Variants in ITGA9 observed in about 807,000 individuals in gnomAD.
The protein encoded by ITGA9 is integrin alpha-9.
A neutral mutation model predicts 127.8 loss-of-function variants in ITGA9; 56 were observed. That is an observed-to-expected ratio of 0.44 (90% CI 0.35 to 0.55). The LOEUF (loss-of-function observed/expected upper bound fraction) is 0.55. Among genes scored for constraint, ITGA9 ranks in the 20% least tolerant of loss-of-function variants. ITGA9 has a pLI of 0.00. For synonymous variants in ITGA9, 508 were observed against 514.5 expected, an observed-to-expected ratio of 0.99 and a Z score of 0.17; for missense variants, 1,196 against 1,347.1, an observed-to-expected ratio of 0.89 and a Z score of 1.76.
intron 17 of ITGA9, among the ~76,000 whole-genome samples, chr3:37,681,566 C>A (rs371228831): frequency 2.6e-5 from 4 of 152,188 alleles, no homozygotes; most frequent in African/African-American, 4.8e-5. Flanking sequence ...CCCCAAAACA[C>A]GAGGATGTCA....
chr3:37,494,311 C>G (rs1041116912), intron 4 of ITGA9, among the ~76,000 whole-genome samples, 190 bp from the exon 5 acceptor site: 4 of 152,190 alleles, frequency 2.6e-5, no homozygotes, highest in Non-Finnish European at 5.9e-5. Flanking sequence ...CCGATGGCAC[C>G]AGAGCCTGGA....
intron 3 of ITGA9, among the ~76,000 whole-genome samples, chr3:37,475,538 A>G (rs197763): frequency 0.66 from 100,836 of 152,112 alleles, 33,665 homozygotes; most frequent in African/African-American, 0.75. Flanking sequence ...AGGCAGCACT[A>G]GAGCATTTGT....
intron 13 of ITGA9, among the ~76,000 whole-genome samples, chr3:37,531,599 C>T (rs924787010): frequency 5.3e-5 from 8 of 152,062 alleles, no homozygotes; most frequent in Admixed American, 1.3e-4. Flanking sequence ...ATGGGGCGGG[C>T]TAGGCTTTTC....
chr3:37,490,971 C>CA (rs1579061023), intron 4 of ITGA9, among the ~76,000 whole-genome samples: 1 of 136,392 alleles, frequency 7.3e-6, no homozygotes, highest in Non-Finnish European at 1.6e-5. Context: ...TGGCTTCCCC[C>CA]CCGCTTTTTT....
At chr3:37,491,070 A>G (rs1246363945) in intron 4 of ITGA9, among the ~76,000 whole-genome samples, 1 of 142,984 alleles carries the variant, frequency 7.0e-6, no homozygotes, top group Non-Finnish European at 1.5e-5. Flanking sequence ...TCTGCCTCCC[A>G]GACTCAAGCC....
At chr3:37,669,101 T>G (rs147186413) in intron 17 of ITGA9, among the ~76,000 whole-genome samples, 5 of 152,364 alleles carry the variant, frequency 3.3e-5, no homozygotes, top group Non-Finnish European at 7.3e-5. Context: ...ATGAGCTTGC[T>G]TCCCTGACTC....
At chr3:37,692,848 A>G (rs1432707361) in intron 18 of ITGA9, among the ~76,000 whole-genome samples, 2 of 152,282 alleles carry the variant, frequency 1.3e-5, no homozygotes, top group East Asian at 3.9e-4. Context: ...TCTGGCCCAA[A>G]GGGCTGGAGG....
chr3:37,753,376 C>G (rs965747645), intron 23 of ITGA9, among the ~76,000 whole-genome samples: 10 of 152,172 alleles, frequency 6.6e-5, no homozygotes, highest in African/African-American at 2.4e-5. Flanking sequence ...ATAATGGAGG[C>G]ATGCCCAGAC....
chr3:37,483,431 T>TC (rs1375582157), intron 4 of ITGA9, among the ~76,000 whole-genome samples: 1 of 152,242 alleles, frequency 6.6e-6, no homozygotes, highest in Non-Finnish European at 1.5e-5. Context: ...TTCTTTTTTT[T>TC]CTTGGGTCTG....
At chr3:37,559,737 C>T (rs1046980130) in intron 15 of ITGA9, among the ~76,000 whole-genome samples, 19 of 152,176 alleles carry the variant, frequency 1.2e-4, no homozygotes, top group Non-Finnish European at 2.8e-4. Context: ...GAAAACCACA[C>T]GGAGCCATTA....
chr3:37,673,549 A>G (rs1166650454), intron 17 of ITGA9, among the ~76,000 whole-genome samples: 1 of 152,208 alleles, frequency 6.6e-6, no homozygotes, highest in Non-Finnish European at 1.5e-5. Flanking sequence ...TCCCAGTCCC[A>G]GTCACAATCA....
intron 15 of ITGA9, among the ~76,000 whole-genome samples, chr3:37,567,334 C>T (rs1699557222): frequency 6.6e-6 from 1 of 152,180 alleles, no homozygotes; most frequent in Non-Finnish European, 1.5e-5. Context: ...TCAACTACCT[C>T]CCACTGGGTC....
At chr3:37,487,533 A>G (rs958102123) in intron 4 of ITGA9, among the ~76,000 whole-genome samples, 11 of 152,248 alleles carry the variant, frequency 7.2e-5, no homozygotes, top group African/African-American at 1.7e-4. Flanking sequence ...AAAAATTCAC[A>G]GATTCAGATT....
chr3:37,618,779 T>C (rs1700100072), intron 15 of ITGA9, among the ~76,000 whole-genome samples: 1 of 152,208 alleles, frequency 6.6e-6, no homozygotes, highest in African/African-American at 2.4e-5. Context: ...GGATATAATC[T>C]CCTCGTGTGC....
intron 14 of ITGA9, among the ~76,000 whole-genome samples, chr3:37,540,748 T>C (rs1449677384): frequency 6.6e-6 from 1 of 152,202 alleles, no homozygotes; most frequent in Non-Finnish European, 1.5e-5. Flanking sequence ...TTCTTGCTAT[T>C]GTCCCCATTG....
chr3:37,491,054 G>A (rs1289228260), intron 4 of ITGA9, among the ~76,000 whole-genome samples: 1 of 143,552 alleles, frequency 7.0e-6, no homozygotes, highest in Non-Finnish European at 1.5e-5. Context: ...GTGGCTCACT[G>A]CAACCTCTGC....
rs1485753736 is a variant in ITGA9, at chr3:37,822,390, T to C, written c.*3401T>C. On this transcript the variant is annotated 3_prime_UTR_variant, in exon 28 of 28. Coordinates refer to ENST00000264741, the MANE Select transcript of ITGA9 (RefSeq NM_002207.3). ...TTTGGAACATCCTCCAAGTGGGCCA[T>C]AGAGCTGTCACAAAGAAGAGGCCAT... is the stretch of plus-strand genomic sequence containing the variant. 6.6e-6 allele frequency: 1 copy of C among 152,184 alleles called. No individual in the cohort carries two copies. Among genetic ancestry groups the C allele is most frequent in the Non-Finnish European group, 1.5e-5 (1 of 68,044 alleles). 9.4% of individuals were successfully genotyped at this position (152,184 alleles called of 1,614,324 possible).
In ITGA9 at chr3:37,629,464, T is replaced by A; in HGVS notation, c.1839+128T>A. 1 of 951,236 alleles carries A rather than the reference T, an allele frequency of 1.1e-6. No individual in the cohort carries two copies. The highest frequency in any genetic ancestry group is 2.6e-5 in the East Asian group (1 of 38,458). 58.9% of individuals were successfully genotyped at this position (951,236 alleles called of 1,614,324 possible). On this transcript the variant is annotated intron_variant, in intron 16 of 27. Coordinates refer to ENST00000264741, the MANE Select transcript of ITGA9 (RefSeq NM_002207.3). The surrounding 1 kb of genome is among the most constrained non-coding windows in gnomAD (Gnocchi z 4.5). ...GACCGCAGCCAGGACACACCTCCTC[T>A]CTGGGTCTCCCTTTTCTGATCTGCA...
intron 20 of ITGA9, among the ~76,000 whole-genome samples, chr3:37,738,146 C>T (rs1442080841): frequency 1.3e-5 from 2 of 152,214 alleles, no homozygotes; most frequent in African/African-American, 2.4e-5. Flanking sequence ...TCTATTGACA[C>T]TATTTTCAAG....
Sources: gnomAD v4.1 joint callset for allele counts (sites outside exome capture counted in the v4.1 genomes callset) on GRCh38, gnomAD v4.1.1 for gene constraint, Gnocchi (gnomAD v3.1) non-coding constraint, MANE v1.5 for transcripts, NCBI Gene and HGNC (gene_info 2026-07-23, HGNC 2026-07-21) for gene names.